PRIM1: variants seen among roughly 807,000 people sequenced by gnomAD.
PRIM1 encodes the protein DNA primase subunit 1.
Under a neutral mutation model 60.2 loss-of-function variants are expected in PRIM1, and 38 were observed. The ratio of observed to expected loss-of-function variants is 0.63; its 90% CI spans 0.49 to 0.83. The LOEUF is 0.83. PRIM1 is among the 40% of genes least tolerant of loss of function. The probability of loss-of-function intolerance (pLI) is 0.00; values close to 1 mark genes in which losing one functional copy is unlikely to be tolerated. For missense variants in PRIM1, 388 were observed against 506.2 expected (o/e 0.77, Z 2.24); for synonymous variants, 158 against 160.2 (o/e 0.99, Z 0.10).
chr12:56,751,225 A>T (rs1165407000), intron 1 of PRIM1, 30 bp from the exon 2 acceptor site: 3 of 1,444,118 alleles, frequency 2.1e-6, no homozygotes. Context: ...TTTAAAGTTA[A>T]TTTGCTACTT....
chr12:56,732,580 C>T (rs1410451339), intron 12 of PRIM1, among the ~76,000 whole-genome samples: 1 of 152,094 alleles, frequency 6.6e-6, no homozygotes, highest in East Asian at 1.9e-4. Flanking sequence ...CAAAACCAAG[C>T]CCAAACACAT....
intron 11 of PRIM1, among the ~76,000 whole-genome samples, chr12:56,735,612 G>A (rs879154697): frequency 5.9e-5 from 9 of 151,416 alleles, no homozygotes; most frequent in Admixed American, 5.3e-4. Context: ...CTCTGGTCAC[G>A]CCCTTTTGGA....
Position 56,741,386 on chromosome 12 carries a change from A to G in PRIM1, c.982+49T>C, listed in dbSNP as rs772111021. 59 of 1,559,490 alleles carry G rather than the reference A, an allele frequency of 3.8e-5. 1 individual carries two copies. In the South Asian group the frequency reaches 6.6e-4, roughly 17 times the overall value. ...CCTAATGCCATGCTTACTAAAGCCA[A>G]TAGCAACTCATTTTTCTTTTAGTTT... On this transcript the variant is annotated intron_variant, in intron 9 of 12. Transcript: ENST00000338193.
At chr12:56,746,696 C>G (rs913933000) in intron 4 of PRIM1, 85 bp downstream of exon 4, 3 of 1,170,224 alleles carry the variant, frequency 2.6e-6, no homozygotes, top group Admixed American at 3.9e-5. Flanking sequence ...GATTTGATCA[C>G]AAAATACAGA....
chr12:56,734,668 G>A (rs928725204), intron 11 of PRIM1, among the ~76,000 whole-genome samples: 1 of 150,106 alleles, frequency 6.7e-6, no homozygotes, highest in African/African-American at 2.5e-5. Context: ...CTCGGCCTCT[G>A]AAAGTGCTGG....
chr12:56,735,745 G>T (rs1032376626), intron 11 of PRIM1, among the ~76,000 whole-genome samples: 8 of 150,544 alleles, frequency 5.3e-5, no homozygotes, highest in African/African-American at 1.5e-4. Context: ...CCACCTCCTG[G>T]GTTCAAGCGA....
chr12:56,737,723 C>CT (rs1044716202), intron 11 of PRIM1, among the ~76,000 whole-genome samples: 7 of 150,816 alleles, frequency 4.6e-5, no homozygotes, highest in African/African-American at 9.7e-5. Context: ...TCTTCAAATT[C>CT]TTTTTTTTTG....
rs1385449247 is a variant in PRIM1, at chr12:56,734,165, C to G, written c.1225G>C (p.Glu409Gln). The change falls in exon 12 of 13, where the codon GAA becomes CAA. Residue 409 changes from glutamate (E) to glutamine (Q), a missense_variant. Physicochemically the swap from Glu to Gln is conservative, Grantham distance 29. Transcript: ENST00000338193. ...GTCTTACCACTCTTCTTAAGAAGTT[C>G]TCCTTTTCGGGATTTATCCAGATTT... is the stretch of plus-strand genomic sequence containing the variant. Reference protein sequence around the residue: ...LENLDKSRKGELLKKSDLQKD... With the variant: ...LENLDKSRKGQLLKKSDLQKD... 1 of 1,603,130 alleles carries G rather than the reference C, an allele frequency of 6.2e-7. No individual in the cohort carries two copies. The highest frequency in any genetic ancestry group is 2.2e-5 in the East Asian group (1 of 44,760).
In PRIM1 at chr12:56,744,123, C is replaced by A; in HGVS notation, c.580G>T (p.Gly194Cys). The A allele has an allele frequency of 6.4e-7, 1 of 1,552,994 alleles. No homozygotes were observed. Among genetic ancestry groups the A allele is most frequent in the South Asian group, 1.2e-5 (1 of 84,508 alleles). Residue 194 changes from glycine (G) to cysteine (C), a missense_variant and splice_region_variant, in exon 6 of 13, where the codon GGT (glycine) becomes TGT (cysteine). Transcript: ENST00000338193. ...GIVEYLSLVK[G>C]GQDVKKKVHL... ...ACTTTCTTTTTAACGTCTTGACCACCCTGAAAAATAAATCATTAAAAAAGA... is the reference window on the plus strand; with the variant it reads ...ACTTTCTTTTTAACGTCTTGACCACACTGAAAAATAAATCATTAAAAAAGA...
At chr12:56,747,358 CCTTTA>C (rs1266635810) in intron 2 of PRIM1, among the ~76,000 whole-genome samples, 1 of 151,262 alleles carries the variant, frequency 6.6e-6, no homozygotes, top group Admixed American at 6.7e-5. Flanking sequence ...GTTTTAAGAA[CCTTTA>C]CTTGTTACCA....
intron 6 of PRIM1, 168 bp downstream of exon 6, chr12:56,743,897 G>A: frequency 1.9e-6 from 1 of 517,686 alleles, no homozygotes; most frequent in Non-Finnish European, 3.4e-6. Flanking sequence ...GAGAACATCT[G>A]TAAAGCACCT....
intron 11 of PRIM1, among the ~76,000 whole-genome samples, chr12:56,736,704 G>A (rs746261586): frequency 8.6e-5 from 13 of 151,892 alleles, no homozygotes; most frequent in Non-Finnish European, 1.5e-4. Flanking sequence ...GGGTTTAACC[G>A]TGTTGGCCAG....
At chr12:56,734,355 G>A in intron 11 of PRIM1, 110 bp from the exon 12 acceptor site, 2 of 622,858 alleles carry the variant, frequency 3.2e-6, no homozygotes. Flanking sequence ...ATTGAAATAT[G>A]AGAGAAACAT....
chr12:56,744,470 G>A (rs1171236674), intron 5 of PRIM1, among the ~76,000 whole-genome samples: 1 of 151,882 alleles, frequency 6.6e-6, no homozygotes, highest in East Asian at 1.9e-4. Flanking sequence ...TCTAGCCAGG[G>A]TGACAAGAGC....
chr12:56,732,826 A>G (rs1450282163), intron 12 of PRIM1, among the ~76,000 whole-genome samples: 1 of 150,824 alleles, frequency 6.6e-6, no homozygotes, highest in Non-Finnish European at 1.5e-5. Context: ...CTCATACCTT[A>G]TGGTATAGTA....
intron 10 of PRIM1, 145 bp downstream of exon 10, chr12:56,739,149 G>T: frequency 2.0e-6 from 1 of 501,236 alleles, no homozygotes; most frequent in Non-Finnish European, 3.3e-6. Context: ...TTAGGGCATC[G>T]TCATCTAACC....
chr12:56,734,369 T>A, intron 11 of PRIM1, 124 bp from the exon 12 acceptor site: 1 of 574,700 alleles, frequency 1.7e-6, no homozygotes. Context: ...GAAACATACA[T>A]ACTTTTAAAT....
At chr12:56,745,966 T>C in intron 5 of PRIM1, 79 bp downstream of exon 5, 1 of 1,406,320 alleles carries the variant, frequency 7.1e-7, no homozygotes, top group South Asian at 1.5e-5. Flanking sequence ...ATAGTTTCAT[T>C]TTCTTTGACA....
rs1953976445 is a variant in PRIM1 at position 56,752,226 on chromosome 12, G to A, written c.73C>T (p.Gln25Ter). ...CCGTAGTTGAGCCAGCGATAGTACT[G>A]AGAGTAGGGAAAGAGCCTCCGGTAA... ...LYYRRLFPYS[Q>*]YYRWLNYGGV... The change falls in exon 1 of 13, where the codon CAG (glutamine) becomes TAG (stop). Residue 25 changes from glutamine to a stop codon, truncating the protein, a stop_gained. Coordinates refer to ENST00000338193, the MANE Select transcript of PRIM1 (RefSeq NM_000946.3). LOFTEE classifies it high-confidence loss of function. The A allele has an allele frequency of 6.2e-7, 1 of 1,602,982 alleles. No individual in the cohort carries two copies. Among genetic ancestry groups the A allele is most frequent in the Non-Finnish European group, 8.5e-7 (1 of 1,174,584 alleles).
Sources: gnomAD v4.1 joint callset for allele counts (sites outside exome capture counted in the v4.1 genomes callset) on GRCh38, gnomAD v4.1.1 for gene constraint, MANE v1.5 for transcripts, NCBI Gene and HGNC (gene_info 2026-07-23, HGNC 2026-07-21) for gene names.